Variants in KIAA1586 observed in about 807,000 individuals in gnomAD.
KIAA1586 encodes the protein KIAA1586.
In KIAA1586, 5 loss-of-function variants were observed where a neutral mutation model predicts 6.1. The ratio of observed to expected loss-of-function variants is 0.82; its 90% CI spans 0.43 to 1.73. The LOEUF is 1.73. Ranked by LOEUF, KIAA1586 falls within the 40% of genes most tolerant of loss-of-function variation. KIAA1586 has a pLI of 0.02. For missense variants in KIAA1586, 899 were observed against 878.2 expected (o/e 1.02, Z -0.30); for synonymous variants, 280 against 301.7 (o/e 0.93, Z 0.75).
chr6:57,064,446 A>G, the KIAA1586 span, among the ~76,000 whole-genome samples: 1 of 152,148 alleles, frequency 6.6e-6, no homozygotes, highest in Non-Finnish European at 1.5e-5. Flanking sequence ...TTCATTAAGA[A>G]TTTTACTCTG....
chr6:57,063,349 A>T, the KIAA1586 span, among the ~76,000 whole-genome samples: 1 of 152,134 alleles, frequency 6.6e-6, no homozygotes, highest in Non-Finnish European at 1.5e-5. Context: ...CTTTGTATTT[A>T]AAATTTTCCC....
rs1362628078 is a variant in KIAA1586, at chr6:57,053,903, A to G, written c.1404A>G (p.Glu468=). The change falls in exon 4 of 4, where the codon GAA becomes GAG. Residue 468 remains glutamate, a synonymous_variant. Coordinates refer to ENST00000370733, the MANE Select transcript of KIAA1586 (RefSeq NM_020931.4). ...AGCTTCTAGGAACTGTAGCTAAAGA[A>G]CTTGAAACTGAAATTATTAAAATTG... ...QTKLLGTVAK[E]LETEIIKIGR... is the part of the protein sequence containing the mutation. The G allele has an allele frequency of 6.3e-7, 1 of 1,581,452 alleles. No individual in the cohort carries two copies. Among genetic ancestry groups the G allele is most frequent in the South Asian group, 1.2e-5 (1 of 83,714 alleles).
downstream of KIAA1586, among the ~76,000 whole-genome samples, chr6:57,056,978 C>A (rs1464453013): frequency 6.6e-6 from 1 of 151,924 alleles, no homozygotes; most frequent in Non-Finnish European, 1.5e-5. Context: ...CCTGTAATCC[C>A]AGCACTTTGG....
In KIAA1586 at chr6:57,054,283, A is replaced by G. The variant is rs1015721259; in HGVS notation, c.1784A>G (p.Asn595Ser). The change falls in exon 4 of 4, where the codon AAC becomes AGC. Residue 595 changes from asparagine (N) to serine (S), a missense_variant. Transcript: ENST00000370733. Reference sequence around the variant, plus strand: ...TTTAAAGATATTCCATTTAATAAAAACAATAAATTTAATGCTCTTCCTAGG... The same window carrying G: ...TTTAAAGATATTCCATTTAATAAAAGCAATAAATTTAATGCTCTTCCTAGG... The part of the protein sequence containing the change: ...DKFKDIPFNK[N>S]NKFNALPRSI... The G allele has an allele frequency of 6.3e-7, 1 of 1,581,098 alleles. No homozygotes were observed. The highest frequency in any genetic ancestry group is 1.2e-5 in the South Asian group (1 of 86,572).
Position 57,053,400 on chromosome 6 carries a change from A to T in KIAA1586, c.901A>T (p.Met301Leu), listed in dbSNP as rs202210193. The part of the protein sequence containing the change: ...IAEHIAKEMK[M>L]KIFKNIIEEN... The stretch of plus-strand genomic sequence containing the variant: ...AGAACATATTGCAAAAGAAATGAAG[A>T]TGAAGATATTTAAGAATATTATAGA... The change falls in exon 4 of 4, where the codon ATG becomes TTG. Residue 301 changes from methionine to leucine, a missense_variant. Coordinates refer to ENST00000370733, the MANE Select transcript of KIAA1586 (RefSeq NM_020931.4). 1 of 1,609,138 alleles carries T rather than the reference A, an allele frequency of 6.2e-7. No homozygotes were observed. The highest frequency in any genetic ancestry group is 1.7e-5 in the Admixed American group (1 of 59,188).
At chr6:57,063,001 G>A in the KIAA1586 span, among the ~76,000 whole-genome samples, 1 of 152,054 alleles carries the variant, frequency 6.6e-6, no homozygotes, top group Non-Finnish European at 1.5e-5. Flanking sequence ...GTTGCAGTGA[G>A]CCGAGATTGC....
chr6:57,054,228 C>T lies in KIAA1586; in HGVS notation c.1729C>T (p.Gln577Ter). 3 of 1,593,670 alleles carry T rather than the reference C, an allele frequency of 1.9e-6. No individual in the cohort carries two copies. The highest frequency in any genetic ancestry group is 1.7e-6 in the Non-Finnish European group (2 of 1,173,244). The stretch of plus-strand genomic sequence containing the variant: ...AATTGGTACTGGAAAGTATGAATCT[C>T]AAATTGAAGATTTGATCAAGTCAGA... ...LKIGTGKYES[Q>*]IEDLIKSDKF... Residue 577 changes from glutamine to a stop codon, truncating the protein, a stop_gained, in exon 4 of 4, where the codon CAA becomes TAA. Transcript: ENST00000370733. LOFTEE classifies it low-confidence loss of function (END_TRUNC).
chr6:57,058,316 CAACA>C (rs928816275), downstream of KIAA1586, among the ~76,000 whole-genome samples: 6 of 152,132 alleles, frequency 3.9e-5, no homozygotes, highest in African/African-American at 1.4e-4. Context: ...ATGGTCTCTA[CAACA>C]AATTGTCACT....
chr6:57,048,499 C>T (rs948030677), intron 2 of KIAA1586, among the ~76,000 whole-genome samples: 2 of 152,116 alleles, frequency 1.3e-5, no homozygotes, highest in Admixed American at 6.5e-5. Context: ...TTGTTCCTGA[C>T]ATTTGGAACC....
chr6:57,048,024 C>T (rs1471515605), intron 2 of KIAA1586, among the ~76,000 whole-genome samples: 1 of 150,468 alleles, frequency 6.6e-6, no homozygotes, highest in East Asian at 1.9e-4. Context: ...AGGCGGGGGC[C>T]TAGGAATCTT....
chr6:57,063,950 A>G, the KIAA1586 span, among the ~76,000 whole-genome samples: 1 of 152,202 alleles, frequency 6.6e-6, no homozygotes, highest in Non-Finnish European at 1.5e-5. Context: ...GGTTCTAAAT[A>G]CAGCATTGGA....
At position 57,054,764 on chromosome 6, in the gene KIAA1586, G is replaced by C; in HGVS notation, c.2265G>C (p.Trp755Cys). Residue 755 changes from tryptophan to cysteine, a missense_variant, in exon 4 of 4, where the codon TGG becomes TGC. Trp to Cys is a radical substitution (Grantham distance 215, BLOSUM62 -2). Coordinates refer to ENST00000370733, the MANE Select transcript of KIAA1586 (RefSeq NM_020931.4). Reference sequence around the variant, plus strand: ...ATGCAACACCGTTTGTAAAATCTTGGTCAAATTGCAACCACAGGTTGGCTA... The same window carrying C: ...ATGCAACACCGTTTGTAAAATCTTGCTCAAATTGCAACCACAGGTTGGCTA... ...DWDATPFVKS[W>C]SNCNHRLATD... 6.4e-7 allele frequency: 1 copy of C among 1,551,320 alleles called. No homozygotes were observed. The highest frequency in any genetic ancestry group is 8.7e-7 in the Non-Finnish European group (1 of 1,146,786).
chr6:57,050,893 T>A, intron 3 of KIAA1586, 39 bp downstream of exon 3: 1 of 1,396,304 alleles, frequency 7.2e-7, no homozygotes, highest in Non-Finnish European at 1.0e-6. Context: ...GTTTTCTTAT[T>A]AAGTGCAATA....
the KIAA1586 span, among the ~76,000 whole-genome samples, chr6:57,063,695 C>T: frequency 2.0e-5 from 3 of 152,102 alleles, no homozygotes; most frequent in Non-Finnish European, 4.4e-5. Context: ...CTCAAGCGAT[C>T]TGCCCGCCTC....
In KIAA1586 at chr6:57,050,855, G is replaced by A. The variant is rs748216058; in HGVS notation, c.186+1G>A. Reference sequence around the variant, plus strand: ...AAACCCTAGCGCCTATTATAGTGATGTAAGCACATTATATTTGTGTTTGTT... The same window carrying A: ...AAACCCTAGCGCCTATTATAGTGATATAAGCACATTATATTTGTGTTTGTT... On this transcript the variant is annotated splice_donor_variant, in intron 3 of 3. Transcript: ENST00000370733. LOFTEE classifies it high-confidence loss of function. 3 of 1,598,356 alleles carry A rather than the reference G, an allele frequency of 1.9e-6. No homozygotes were observed. The highest frequency in any genetic ancestry group is 2.7e-5 in the African/African-American group (2 of 74,532).
chr6:57,054,401 G>A lies in KIAA1586; in HGVS notation c.1902G>A (p.Leu634=), dbSNP rs1375363050. ...ATATTTTTAATTACTTTGATTTGCTGGAACCTTCCACATGGCCTTATGAAG... is the reference window on the plus strand; with the variant it reads ...ATATTTTTAATTACTTTGATTTGCTAGAACCTTCCACATGGCCTTATGAAG... ...HEDIFNYFDL[L]EPSTWPYEEI... The change falls in exon 4 of 4, where the codon CTG becomes CTA. Residue 634 remains leucine (L), a synonymous_variant. Transcript: ENST00000370733. The A allele has an allele frequency of 1.2e-6, 2 of 1,609,872 alleles. No individual in the cohort carries two copies. The highest frequency in any genetic ancestry group is 1.7e-6 in the Non-Finnish European group (2 of 1,178,316).
chr6:57,052,901 A>G lies in KIAA1586; in HGVS notation c.402A>G (p.Pro134=). The G allele has an allele frequency of 6.2e-7, 1 of 1,612,662 alleles. No individual in the cohort carries two copies. The highest frequency in any genetic ancestry group is 1.3e-5 in the African/African-American group (1 of 74,948). The change falls in exon 4 of 4, where the codon CCA becomes CCG. Residue 134 remains proline (P), a synonymous_variant. Transcript: ENST00000370733. Reference sequence around the variant, plus strand: ...AAGAAATAGATAATCTTGTGCTTCCAGATTGTTGGAATGAAAAACAAGCAT... The same window carrying G: ...AAGAAATAGATAATCTTGTGCTTCCGGATTGTTGGAATGAAAAACAAGCAT... The part of the protein sequence containing the change: ...SKKEIDNLVL[P]DCWNEKQAFM...
the KIAA1586 span, among the ~76,000 whole-genome samples, chr6:57,065,603 C>G: frequency 1.3e-5 from 2 of 151,914 alleles, no homozygotes; most frequent in Non-Finnish European, 2.9e-5. Context: ...CCTCCCACCT[C>G]TACCTCCCAA....
At chr6:57,048,915 A>G (rs1445308867) in intron 2 of KIAA1586, among the ~76,000 whole-genome samples, 1 of 152,204 alleles carries the variant, frequency 6.6e-6, no homozygotes, top group African/African-American at 2.4e-5. Flanking sequence ...TATCCTGAGG[A>G]ATAAATCATT....
Sources: allele counts gnomAD v4.1 joint callset (sites outside exome capture counted in the v4.1 genomes callset), GRCh38; gene constraint gnomAD v4.1.1; transcripts MANE v1.5; gene names NCBI Gene and HGNC (gene_info 2026-07-23, HGNC 2026-07-21).